PLEKHA7: variants seen among roughly 807,000 people sequenced by gnomAD.
PLEKHA7 encodes the protein pleckstrin homology domain containing A7.
In PLEKHA7, 104 loss-of-function variants were observed where a neutral mutation model predicts 170.0. The observed-to-expected ratio is 0.61, with a 90% CI of 0.52 to 0.72. The LOEUF (loss-of-function observed/expected upper bound fraction) is 0.72. PLEKHA7 is among the 30% of genes least tolerant of loss of function. The pLI is 0.00. For missense variants in PLEKHA7, 1,615 were observed against 1,671.7 expected (o/e 0.97, Z 0.59); for synonymous variants, 648 against 660.8 (o/e 0.98, Z 0.30).
chr11:16,986,260 C>G (rs901366827), intron 3 of PLEKHA7, among the ~76,000 whole-genome samples: 6 of 152,142 alleles, frequency 3.9e-5, no homozygotes, highest in African/African-American at 1.4e-4. Context: ...GGCAAGAAAA[C>G]CAGTCGGAAC....
chr11:16,819,447 T>A (rs1850043516), intron 10 of PLEKHA7, among the ~76,000 whole-genome samples: 1 of 152,232 alleles, frequency 6.6e-6, no homozygotes, highest in Admixed American at 6.5e-5. Context: ...GGACAAAGTA[T>A]GGAATTTTAC....
intron 3 of PLEKHA7, among the ~76,000 whole-genome samples, chr11:16,906,149 C>G (rs950088653): frequency 2.7e-5 from 4 of 150,700 alleles, no homozygotes; most frequent in African/African-American, 9.8e-5. Flanking sequence ...TATTCAAAGT[C>G]CTAATCCCAG....
chr11:16,778,899 G>A lies in PLEKHA7; in HGVS notation c.*99C>T. 1 of 700,338 alleles carries A rather than the reference G, an allele frequency of 1.4e-6. No homozygotes were observed. The highest frequency in any genetic ancestry group is 1.5e-5 in the South Asian group (1 of 67,524). The allele number at this position is 700,338 out of a possible 1,614,324, so 43.4% of individuals were successfully genotyped here. A position where few individuals can be genotyped will look rare whatever the true frequency, so the allele number is the denominator to read the frequency against. On this transcript the variant is annotated 3_prime_UTR_variant, in exon 27 of 27. Coordinates refer to ENST00000531066, the MANE Select transcript of PLEKHA7 (RefSeq NM_001329630.2). ...GCTCCTTCCTCCGGCCGGATTCCCT[G>A]CTCAGCTGGAAGGGGTTTCCTTGGG...
At chr11:16,849,565 CAAGAT>C (rs1852747819) in intron 8 of PLEKHA7, among the ~76,000 whole-genome samples, 1 of 152,026 alleles carries the variant, frequency 6.6e-6, no homozygotes, top group Non-Finnish European at 1.5e-5. Context: ...AGCAAGTGAC[CAAGAT>C]AAGACATGGA....
chr11:16,841,061 A>T (rs192142147), intron 9 of PLEKHA7, among the ~76,000 whole-genome samples: 1 of 152,298 alleles, frequency 6.6e-6, no homozygotes, highest in Admixed American at 6.5e-5. Flanking sequence ...TCTCTCTCTG[A>T]GCCCTCGACT....
intron 4 of PLEKHA7, among the ~76,000 whole-genome samples, chr11:16,858,562 G>A (rs1283581056): frequency 1.3e-5 from 2 of 150,052 alleles, no homozygotes; most frequent in East Asian, 2.0e-4. Flanking sequence ...GTGCAATCTC[G>A]GCTCACTGCA....
Position 16,789,210 on chromosome 11 carries a change from CTT to C in PLEKHA7, c.3241_3242del (p.Lys1081AlafsTer42). On this transcript the variant is annotated frameshift_variant, in exon 23 of 27. Transcript: ENST00000531066. LOFTEE classifies it high-confidence loss of function. This position sits in a 1 kb window ranked among gnomAD's most constrained non-coding sequence, Gnocchi z 4.6. ...CTCGGACCAGGGCCTTCTGGTGTCG[CTT>C]CATGCGCTCCAGCTGCTCCTCTGCA... ...MSAEEQLERMKRHQKALVRER... is the reference protein window; with the variant it reads ...MSAEEQLERMXRHQKALVRER... 1 of 1,613,640 alleles carries C rather than the reference CTT, an allele frequency of 6.2e-7. No homozygotes were observed. The highest frequency in any genetic ancestry group is 8.5e-7 in the Non-Finnish European group (1 of 1,180,046).
At chr11:17,002,305 G>A (rs1380386501) in intron 3 of PLEKHA7, among the ~76,000 whole-genome samples, 1 of 152,192 alleles carries the variant, frequency 6.6e-6, no homozygotes, top group Non-Finnish European at 1.5e-5. Flanking sequence ...TCAGGAGGCT[G>A]AGGCGGGGGC....
intron 9 of PLEKHA7, among the ~76,000 whole-genome samples, chr11:16,828,053 C>T (rs1299531602): frequency 6.6e-6 from 1 of 152,160 alleles, no homozygotes; most frequent in African/African-American, 2.4e-5. Flanking sequence ...AGTTACAATG[C>T]CAACATAACG....
intron 4 of PLEKHA7, among the ~76,000 whole-genome samples, chr11:16,866,774 G>A (rs1004744673): frequency 6.6e-6 from 1 of 152,144 alleles, no homozygotes; most frequent in Non-Finnish European, 1.5e-5. Flanking sequence ...AACACTCAGA[G>A]CTCATGTCCT....
At chr11:16,923,864 C>T (rs888652246) in intron 3 of PLEKHA7, among the ~76,000 whole-genome samples, 3 of 152,286 alleles carry the variant, frequency 2.0e-5, no homozygotes, top group African/African-American at 7.2e-5. Flanking sequence ...CAGTCCAGTC[C>T]TTCCACCCTT....
At chr11:16,981,598 C>T (rs1006092926) in intron 3 of PLEKHA7, among the ~76,000 whole-genome samples, 1 of 152,188 alleles carries the variant, frequency 6.6e-6, no homozygotes, top group Non-Finnish European at 1.5e-5. Flanking sequence ...GCTAGAAACA[C>T]CATTTTCCCC....
intron 3 of PLEKHA7, among the ~76,000 whole-genome samples, chr11:16,908,239 C>T (rs1408482135): frequency 7.4e-6 from 1 of 134,354 alleles, no homozygotes; most frequent in Non-Finnish European, 1.6e-5. Context: ...CTGCGAGAAA[C>T]ACCCAAGAAT....
At chr11:17,009,658 C>T (rs1355456213) in intron 3 of PLEKHA7, among the ~76,000 whole-genome samples, 1 of 147,906 alleles carries the variant, frequency 6.8e-6, no homozygotes, top group Non-Finnish European at 1.5e-5. Context: ...TATTTACAGA[C>T]AGGGTCTCAC....
chr11:16,790,249 A>G (rs1847748597), intron 21 of PLEKHA7: 1 of 263,528 alleles, frequency 3.8e-6, no homozygotes, highest in African/African-American at 2.2e-5. Context: ...GAGGACAGTG[A>G]GAAGGACACT....
chr11:16,786,562 T>A, intron 23 of PLEKHA7, 175 bp from the exon 24 acceptor site: 7 of 985,430 alleles, frequency 7.1e-6, no homozygotes. Context: ...TGTTCCAGAC[T>A]GCTAAGTGCT....
At chr11:16,926,961 G>C (rs990488148) in intron 3 of PLEKHA7, among the ~76,000 whole-genome samples, 23 of 152,094 alleles carry the variant, frequency 1.5e-4, no homozygotes, top group Non-Finnish European at 2.2e-4. Context: ...TCAATTTGCT[G>C]TGTGGCCATA....
At chr11:16,989,520 C>G (rs912619878) in intron 3 of PLEKHA7, among the ~76,000 whole-genome samples, 2 of 152,210 alleles carry the variant, frequency 1.3e-5, no homozygotes, top group Non-Finnish European at 2.9e-5. Context: ...CAAACTCAAG[C>G]CTGCCACCCT....
intron 8 of PLEKHA7, among the ~76,000 whole-genome samples, chr11:16,847,325 C>T (rs916879039): frequency 3.3e-5 from 5 of 151,886 alleles, no homozygotes; most frequent in African/African-American, 4.8e-5. Context: ...ATCTCCTGAC[C>T]TCGTGATCCG....
Sources: allele counts gnomAD v4.1 joint callset (sites outside exome capture counted in the v4.1 genomes callset), GRCh38; gene constraint gnomAD v4.1.1; non-coding constraint Gnocchi (gnomAD v3.1); transcripts MANE v1.5; gene names NCBI Gene and HGNC (gene_info 2026-07-23, HGNC 2026-07-21).